The following CLVS1 variants were observed in gnomAD, a reference collection of about 807,000 sequenced individuals.
The protein encoded by CLVS1 is clavesin 1, also known as clavesin-1.
Under a neutral mutation model 33.1 loss-of-function variants are expected in CLVS1, and 10 were observed. The observed-to-expected ratio is 0.30, with a 90% CI of 0.19 to 0.51. The LOEUF (loss-of-function observed/expected upper bound fraction) is 0.51. Among genes scored for constraint, CLVS1 ranks in the 20% least tolerant of loss-of-function variants. The pLI, the probability that CLVS1 is intolerant of heterozygous loss-of-function variation, is 0.97. For synonymous variants in CLVS1, 163 were observed against 166.1 expected (o/e 0.98, Z 0.14); for missense variants, 343 against 433.4 (o/e 0.79, Z 1.85).
chr8:61,244,953 G>A (rs958194865), intron 2 of CLVS1, among the ~76,000 whole-genome samples: 6 of 151,778 alleles, frequency 4.0e-5, no homozygotes, highest in Non-Finnish European at 5.9e-5. Flanking sequence ...ATCCTGTCAA[G>A]AATTTCTTTA....
chr8:61,172,903 G>T (rs1210523415), intron 2 of CLVS1, among the ~76,000 whole-genome samples: 1 of 152,112 alleles, frequency 6.6e-6, no homozygotes, highest in Admixed American at 6.5e-5. Context: ...GCATTTCTTT[G>T]CTCCAGACTT....
At chr8:61,438,850 G>A (rs1816439671) in intron 3 of CLVS1, among the ~76,000 whole-genome samples, 1 of 152,126 alleles carries the variant, frequency 6.6e-6, no homozygotes, top group Non-Finnish European at 1.5e-5. Context: ...CAAGAGTGTT[G>A]CGTGAGATAA....
chr8:61,164,551 G>A (rs919737002), intron 2 of CLVS1, among the ~76,000 whole-genome samples: 1 of 152,106 alleles, frequency 6.6e-6, no homozygotes, highest in African/African-American at 2.4e-5. Context: ...ACATCATGGC[G>A]CCCTGAATTT....
the CLVS1 span, among the ~76,000 whole-genome samples, chr8:61,013,533 G>A: frequency 1.1e-4 from 17 of 152,296 alleles, no homozygotes; most frequent in East Asian, 3.1e-3. Flanking sequence ...GGAAGGGACT[G>A]GAAAACAAAT....
intron 1 of CLVS1, among the ~76,000 whole-genome samples, chr8:61,061,090 T>C (rs1804575870): frequency 6.6e-6 from 1 of 152,190 alleles, no homozygotes; most frequent in Non-Finnish European, 1.5e-5. Flanking sequence ...ATCAACATGT[T>C]TGGCTTTTGT....
chr8:61,369,155 C>T (rs897954686), intron 2 of CLVS1, among the ~76,000 whole-genome samples: 4 of 152,090 alleles, frequency 2.6e-5, no homozygotes, highest in African/African-American at 9.7e-5. Flanking sequence ...CTCTTTGTGA[C>T]CAATTTTGCT....
intron 5 of CLVS1, among the ~76,000 whole-genome samples, chr8:61,494,344 C>T (rs1443386570): frequency 6.6e-6 from 1 of 152,034 alleles, no homozygotes; most frequent in Non-Finnish European, 1.5e-5. Flanking sequence ...CAAAAAGTGG[C>T]TATCTAGGCT....
the CLVS1 span, among the ~76,000 whole-genome samples, chr8:61,021,518 T>C: frequency 8.1e-6 from 1 of 123,794 alleles, no homozygotes; most frequent in African/African-American, 3.2e-5. Context: ...GACTGGCTAA[T>C]TTTTTTTTTT....
chr8:61,160,481 G>C (rs544939287), intron 2 of CLVS1, among the ~76,000 whole-genome samples: 2 of 152,326 alleles, frequency 1.3e-5, no homozygotes, highest in African/African-American at 2.4e-5. Context: ...TTGCAGTCAA[G>C]ACTGCAGGAG....
intron 3 of CLVS1, among the ~76,000 whole-genome samples, chr8:61,433,595 C>T (rs929777584): frequency 5.9e-5 from 9 of 152,118 alleles, no homozygotes; most frequent in African/African-American, 2.4e-5. Context: ...GATGCTTACA[C>T]GGTGCCCTGG....
chr8:61,172,087 C>T (rs1807013056), intron 2 of CLVS1, among the ~76,000 whole-genome samples: 1 of 152,154 alleles, frequency 6.6e-6, no homozygotes, highest in African/African-American at 2.4e-5. Flanking sequence ...CTTCCCAATC[C>T]CAAACTGTCT....
At position 61,419,626 on chromosome 8, in the gene CLVS1, C is replaced by A. The variant is rs1204507988; in HGVS notation, c.631-34515C>A. Among the ~76,000 whole-genome samples, 3 of 152,140 alleles carry A rather than the reference C, an allele frequency of 2.0e-5. No individual in the cohort carries two copies. In the East Asian group the frequency reaches 5.8e-4, roughly 29 times the overall value. ...ACCAGGCTTCTCCTTTACCTTTTGA[C>A]ATTAATACAGTTTAACATACTGCTT... On this transcript the variant is annotated intron_variant, in intron 3 of 5. Coordinates refer to ENST00000325897, the MANE Select transcript of CLVS1 (RefSeq NM_173519.3).
intron 2 of CLVS1, among the ~76,000 whole-genome samples, chr8:61,352,618 A>C (rs965769429): frequency 6.6e-6 from 1 of 152,018 alleles, no homozygotes; most frequent in Non-Finnish European, 1.5e-5. Flanking sequence ...TATTCGGATA[A>C]GGTAGTCTTC....
intron 3 of CLVS1, among the ~76,000 whole-genome samples, chr8:61,420,843 C>T (rs1465232569): frequency 6.7e-6 from 1 of 149,594 alleles, no homozygotes; most frequent in East Asian, 2.0e-4. Flanking sequence ...GTGGCGGGCA[C>T]CTGTAATCCC....
chr8:61,256,148 A>C (rs890589106), intron 2 of CLVS1, among the ~76,000 whole-genome samples: 2 of 152,040 alleles, frequency 1.3e-5, no homozygotes, highest in East Asian at 1.9e-4. Context: ...CCTAGTAACC[A>C]CCATTTTACT....
chr8:61,183,485 A>G (rs2129301055), intron 2 of CLVS1, among the ~76,000 whole-genome samples: 1 of 151,788 alleles, frequency 6.6e-6, no homozygotes, highest in Admixed American at 6.6e-5. Context: ...TCTTTGTCAG[A>G]CAGTTAATTT....
intron 4 of CLVS1, among the ~76,000 whole-genome samples, chr8:61,456,334 G>T (rs750054401): frequency 6.6e-6 from 1 of 152,070 alleles, no homozygotes; most frequent in Non-Finnish European, 1.5e-5. Context: ...CTGATATTTC[G>T]CTCCAGCATG....
chr8:61,085,939 T>G (rs1288254606), intron 1 of CLVS1, among the ~76,000 whole-genome samples: 1 of 144,772 alleles, frequency 6.9e-6, no homozygotes, highest in Non-Finnish European at 1.5e-5. Context: ...GGGAGGCTGA[T>G]GCAGCAGAAT....
intron 1 of CLVS1, among the ~76,000 whole-genome samples, chr8:61,097,292 A>G (rs1414390339): frequency 6.6e-6 from 1 of 150,960 alleles, no homozygotes; most frequent in African/African-American, 2.4e-5. Flanking sequence ...ACTCCATCTC[A>G]AAAAAAAATA....
Sources: allele counts gnomAD v4.1 joint callset (sites outside exome capture counted in the v4.1 genomes callset), GRCh38; gene constraint gnomAD v4.1.1; transcripts MANE v1.5; gene names NCBI Gene and HGNC (gene_info 2026-07-23, HGNC 2026-07-21).